FARS2: variants seen among roughly 807,000 people sequenced by gnomAD.
The protein encoded by FARS2 is phenylalanine--tRNA ligase, mitochondrial.
In FARS2, 40 loss-of-function variants were observed where a neutral mutation model predicts 46.4. That is an observed-to-expected ratio of 0.86 (90% CI 0.67 to 1.12). FARS2 has a LOEUF of 1.12. FARS2 is among the 50% of genes most tolerant of loss of function. The pLI is 0.00. For synonymous variants in FARS2, 234 were observed against 214.9 expected (o/e 1.09, Z -0.78); for missense variants, 513 against 567.9 (o/e 0.90, Z 0.98).
chr6:5,698,882 G>T (rs1387441580), intron 6 of FARS2, among the ~76,000 whole-genome samples: 1 of 152,258 alleles, frequency 6.6e-6, no homozygotes, highest in Non-Finnish European at 1.5e-5. Flanking sequence ...GGTCTGTGGG[G>T]GATCTTCTCT....
chr6:5,356,938 ATT>A (rs34837301), intron 1 of FARS2, among the ~76,000 whole-genome samples: 41,021 of 148,194 alleles, frequency 0.28, 5,795 homozygotes, highest in East Asian at 0.49. Context: ...GTGGAGGGCT[ATT>A]TTTTTTTTTT....
At chr6:5,540,916 T>C (rs1247883597) in intron 4 of FARS2, among the ~76,000 whole-genome samples, 1 of 152,182 alleles carries the variant, frequency 6.6e-6, no homozygotes, top group African/African-American at 2.4e-5. Context: ...GGACATATGA[T>C]GTTTAGAGAA....
intron 1 of FARS2, among the ~76,000 whole-genome samples, chr6:5,314,306 C>T (rs572411838): frequency 3.3e-5 from 5 of 152,018 alleles, no homozygotes; most frequent in South Asian, 4.2e-4. Flanking sequence ...TCAGCAGAAC[C>T]GTTTATGGAT....
intron 6 of FARS2, chr6:5,664,966 T>G (rs1778037142): frequency 1.3e-5 from 2 of 152,188 alleles, no homozygotes; most frequent in African/African-American, 4.8e-5. Context: ...ATTTTTTCAT[T>G]TGTTTGTTTT....
chr6:5,524,707 G>A (rs375046844), intron 4 of FARS2, among the ~76,000 whole-genome samples: 35 of 152,266 alleles, frequency 2.3e-4, no homozygotes, highest in African/African-American at 7.2e-4. Context: ...TACACATGGC[G>A]AAGTTGAATC....
chr6:5,256,287 C>G (rs905440809), upstream of FARS2, among the ~76,000 whole-genome samples: 1 of 151,406 alleles, frequency 6.6e-6, no homozygotes, highest in Admixed American at 6.6e-5. Flanking sequence ...GTCAGGAGTT[C>G]AAGATCAGCC....
intron 6 of FARS2, among the ~76,000 whole-genome samples, chr6:5,657,024 A>G (rs1777637339): frequency 6.6e-6 from 1 of 152,210 alleles, no homozygotes; most frequent in Non-Finnish European, 1.5e-5. Flanking sequence ...CAGATATTTT[A>G]CAGATACTAA....
chr6:5,749,640 G>T (rs929085360), intron 6 of FARS2, among the ~76,000 whole-genome samples: 2 of 152,164 alleles, frequency 1.3e-5, no homozygotes, highest in African/African-American at 4.8e-5. Flanking sequence ...GCTCTTCAAG[G>T]TTCATTCTCA....
chr6:5,280,974 T>C (rs1766683066), intron 1 of FARS2, among the ~76,000 whole-genome samples: 1 of 152,226 alleles, frequency 6.6e-6, no homozygotes, highest in South Asian at 2.1e-4. Flanking sequence ...ATTATTTTAA[T>C]TGTATTCTGT....
At chr6:5,380,557 G>A (rs1759689170) in intron 2 of FARS2, among the ~76,000 whole-genome samples, 1 of 152,246 alleles carries the variant, frequency 6.6e-6, no homozygotes, top group South Asian at 2.1e-4. Context: ...AGGTGCAGGT[G>A]GGCTGTAGGT....
chr6:5,397,021 C>A (rs2432785), intron 2 of FARS2, among the ~76,000 whole-genome samples: 11,935 of 152,182 alleles, frequency 0.078, 945 homozygotes, highest in African/African-American at 0.2. Flanking sequence ...ATTTGAATTC[C>A]TTGGCGCAAA....
At chr6:5,624,245 C>T (rs552963868) in intron 6 of FARS2, among the ~76,000 whole-genome samples, 60 of 152,336 alleles carry the variant, frequency 3.9e-4, no homozygotes, top group African/African-American at 1.4e-3. Flanking sequence ...TTTCTTTTAA[C>T]AGCTTACGAT....
chr6:5,473,652 A>T, intron 4 of FARS2, among the ~76,000 whole-genome samples: 1 of 151,970 alleles, frequency 6.6e-6, no homozygotes, highest in East Asian at 1.9e-4. Context: ...TTCTTACAGC[A>T]TTCCTGAGGG....
intron 6 of FARS2, among the ~76,000 whole-genome samples, chr6:5,649,794 T>C (rs1344086607): frequency 6.6e-6 from 1 of 152,182 alleles, no homozygotes; most frequent in Non-Finnish European, 1.5e-5. Context: ...CGCTAGGCTG[T>C]GTAGGATAGA....
intron 2 of FARS2, among the ~76,000 whole-genome samples, chr6:5,402,453 G>C (rs73350564): frequency 0.011 from 1,696 of 151,880 alleles, 37 homozygotes; most frequent in African/African-American, 0.039. Flanking sequence ...TTGACTTTCT[G>C]ATTTTTGAGT....
At chr6:5,613,092 G>A in intron 5 of FARS2, 77 bp from the exon 6 acceptor site, 3 of 1,302,418 alleles carry the variant, frequency 2.3e-6, no homozygotes, top group Non-Finnish European at 3.3e-6. Flanking sequence ...TTAGTCAAGT[G>A]CAACTTTTTA....
At chr6:5,680,182 C>T (rs1778962277) in intron 6 of FARS2, among the ~76,000 whole-genome samples, 1 of 152,212 alleles carries the variant, frequency 6.6e-6, no homozygotes, top group Non-Finnish European at 1.5e-5. Context: ...TGCTTATGCT[C>T]AGAGCACTTG....
intron 4 of FARS2, among the ~76,000 whole-genome samples, chr6:5,469,181 C>A (rs1482014265): frequency 3.9e-5 from 6 of 152,204 alleles, no homozygotes; most frequent in Non-Finnish European, 4.4e-5. Flanking sequence ...GTGGCAGGCC[C>A]ACAGTCAGCC....
intron 5 of FARS2, among the ~76,000 whole-genome samples, chr6:5,549,662 TC>T (rs1355597160): frequency 6.6e-6 from 1 of 152,216 alleles, no homozygotes; most frequent in Non-Finnish European, 1.5e-5. Context: ...CTTAAAGTAA[TC>T]CTTTAATACT....
Sources: gnomAD v4.1 joint callset for allele counts (sites outside exome capture counted in the v4.1 genomes callset) on GRCh38, gnomAD v4.1.1 for gene constraint, MANE v1.5 for transcripts, NCBI Gene and HGNC (gene_info 2026-07-23, HGNC 2026-07-21) for gene names.